The following CORIN variants were observed in gnomAD, a reference collection of about 807,000 sequenced individuals.
The protein encoded by CORIN is corin, serine peptidase, also known as atrial natriuretic peptide-converting enzyme.
In CORIN, 117 loss-of-function variants were observed where a neutral mutation model predicts 125.3. The ratio of observed to expected loss-of-function variants is 0.93; its 90% CI spans 0.80 to 1.09. CORIN has a LOEUF of 1.09. CORIN is among the 50% of genes least tolerant of loss of function. CORIN has a pLI of 0.00. For missense variants in CORIN, 1,253 were observed against 1,306.7 expected, an observed-to-expected ratio of 0.96 and a Z score of 0.63; for synonymous variants, 450 against 466.4, an observed-to-expected ratio of 0.96 and a Z score of 0.45.
At chr4:47,832,316 C>T (rs2119207) in intron 1 of CORIN, among the ~76,000 whole-genome samples, 125,581 of 152,160 alleles carry the variant, frequency 0.83, 52,045 homozygotes, top group East Asian at 0.98. Context: ...GCCTAGGCCA[C>T]GTAAGAGACC....
intron 19 of CORIN, among the ~76,000 whole-genome samples, chr4:47,610,896 G>T (rs1331894126): frequency 1.3e-5 from 2 of 152,110 alleles, no homozygotes; most frequent in Non-Finnish European, 2.9e-5. Context: ...AAGATCAGAT[G>T]GTTGTAGGTG....
chr4:47,803,570 A>C (rs1731637940), intron 2 of CORIN, among the ~76,000 whole-genome samples: 1 of 152,226 alleles, frequency 6.6e-6, no homozygotes, highest in Non-Finnish European at 1.5e-5. Flanking sequence ...CATAGACCTC[A>C]TTTTCAATAA....
chr4:47,734,722 T>A (rs1728046826), intron 5 of CORIN, among the ~76,000 whole-genome samples: 1 of 152,152 alleles, frequency 6.6e-6, no homozygotes, highest in Non-Finnish European at 1.5e-5. Context: ...AAAGCAGCAC[T>A]CCTAACATTT....
Position 47,782,537 on chromosome 4 carries a change from T to A in CORIN, c.409+4188A>T, listed in dbSNP as rs994248551. 2.0e-5 allele frequency among the ~76,000 whole-genome samples: 3 copies of A among 152,200 alleles called. No individual in the cohort carries two copies. The South Asian group carries it at 6.2e-4, about 31-fold the overall frequency. On this transcript the variant is annotated intron_variant, in intron 3 of 21. Transcript: ENST00000273857. ...AAACAGAGAAATAACACAATTCCAC[T>A]TCTAGGTATAAACCCAAGAGAACCA...
At position 47,706,626 on chromosome 4, in the gene CORIN, C is replaced by A. The variant is rs987818514; in HGVS notation, c.800-13543G>T. ...AGGGTGCAACTTACGGCAAGCCTGT[C>A]CATCATGGTGTTAACCAGCTAAAAT... On this transcript the variant is annotated intron_variant, in intron 5 of 21. Transcript: ENST00000273857. 8 of 1,605,202 alleles carry A rather than the reference C, an allele frequency of 5.0e-6. No individual in the cohort carries two copies. In the African/African-American group the frequency reaches 1.1e-4, roughly 21 times the overall value.
intron 6 of CORIN, among the ~76,000 whole-genome samples, chr4:47,684,192 T>C (rs1225930015): frequency 6.6e-6 from 1 of 152,216 alleles, no homozygotes; most frequent in Non-Finnish European, 1.5e-5. Context: ...AACTCTTATG[T>C]TTTCTTTAGA....
intron 5 of CORIN, among the ~76,000 whole-genome samples, chr4:47,737,032 G>A (rs1444530622): frequency 6.6e-6 from 1 of 152,198 alleles, no homozygotes; most frequent in Non-Finnish European, 1.5e-5. Flanking sequence ...AAGTAGAATG[G>A]AAATTACAGA....
intron 5 of CORIN, among the ~76,000 whole-genome samples, chr4:47,727,430 G>A (rs1018485565): frequency 1.7e-4 from 26 of 151,958 alleles, no homozygotes; most frequent in African/African-American, 6.0e-4. Flanking sequence ...TCACATTTAA[G>A]GTTAGTAATT....
At chr4:47,799,108 T>TGTGTGTGTGTGG (rs1297443426) in intron 2 of CORIN, among the ~76,000 whole-genome samples, 1 of 101,240 alleles carries the variant, frequency 9.9e-6, no homozygotes, top group Admixed American at 1.1e-4. Flanking sequence ...TCCCATGGGG[T>TGTGTGTGTGTGG]GTGTGTGTGT....
At chr4:47,749,094 C>G (rs1424439321) in intron 4 of CORIN, among the ~76,000 whole-genome samples, 2 of 151,622 alleles carry the variant, frequency 1.3e-5, no homozygotes, top group Non-Finnish European at 2.9e-5. Context: ...TAGGAGAACT[C>G]AGAATTTAAA....
chr4:47,623,069 C>CCT (rs372736248), intron 19 of CORIN, among the ~76,000 whole-genome samples: 6,141 of 93,462 alleles, frequency 0.066, 259 homozygotes, highest in African/African-American at 0.082. Context: ...CATAACATAA[C>CCT]CTCTCTCTCT....
In CORIN at chr4:47,823,708, G is replaced by A. The variant is rs566701530; in HGVS notation, c.63+14179C>T. On this transcript the variant is annotated intron_variant, in intron 1 of 21. Coordinates refer to ENST00000273857, the MANE Select transcript of CORIN (RefSeq NM_006587.4). ...CCCCTTTTCCAACAGGGAGAAAGCT[G>A]GTTTATTGTTAATACATTTAATTGC... Among the ~76,000 whole-genome samples, 13 of 152,262 alleles carry A rather than the reference G, an allele frequency of 8.5e-5. No individual in the cohort carries two copies. The East Asian group carries it at 2.1e-3, about 25-fold the overall frequency.
At chr4:47,604,837 A>G (rs528437182) in intron 19 of CORIN, among the ~76,000 whole-genome samples, 24 of 152,124 alleles carry the variant, frequency 1.6e-4, no homozygotes, top group Non-Finnish European at 3.1e-4. Flanking sequence ...TATATCCTCT[A>G]TATTAGTCAG....
rs556599235 is a variant in CORIN, at chr4:47,796,227, G to T, written c.209-9302C>A. 5.3e-5 allele frequency among the ~76,000 whole-genome samples: 8 copies of T among 152,076 alleles called. No individual in the cohort carries two copies. In the East Asian group the frequency reaches 1.4e-3, roughly 26 times the overall value. On this transcript the variant is annotated intron_variant, in intron 2 of 21. Transcript: ENST00000273857. ...GCAGCCTAAATGTCCACTGATAGAT[G>T]AATAAATTTTAAAAATGTGGCATAC...
At chr4:47,622,835 A>G (rs2109552891) in intron 19 of CORIN, among the ~76,000 whole-genome samples, 1 of 152,200 alleles carries the variant, frequency 6.6e-6, no homozygotes, top group African/African-American at 2.4e-5. Context: ...ACATAAGCCA[A>G]TTATGTCAAA....
intron 2 of CORIN, among the ~76,000 whole-genome samples, chr4:47,789,860 A>C (rs1368442986): frequency 6.6e-6 from 1 of 152,050 alleles, no homozygotes; most frequent in African/African-American, 2.4e-5. Flanking sequence ...CTCTACTAAA[A>C]ATACAAAAAA....
At chr4:47,656,223 T>C (rs919757765) in intron 12 of CORIN, among the ~76,000 whole-genome samples, 4 of 151,460 alleles carry the variant, frequency 2.6e-5, no homozygotes, top group Non-Finnish European at 5.9e-5. Flanking sequence ...TGGCATGATC[T>C]TGGCTCACTG....
chr4:47,707,824 A>C (rs142643707), intron 5 of CORIN, among the ~76,000 whole-genome samples: 24 of 152,294 alleles, frequency 1.6e-4, no homozygotes, highest in Middle Eastern at 3.4e-3. Flanking sequence ...AGAAGAGGGG[A>C]GTAGTAAATT....
chr4:47,723,957 C>T (rs886974819), intron 5 of CORIN, among the ~76,000 whole-genome samples: 2 of 136,158 alleles, frequency 1.5e-5, no homozygotes, highest in Admixed American at 1.6e-4. Context: ...GATCGCGCCA[C>T]AGCACTCCAG....
Sources: allele counts gnomAD v4.1 joint callset (sites outside exome capture counted in the v4.1 genomes callset), GRCh38; gene constraint gnomAD v4.1.1; transcripts MANE v1.5; gene names NCBI Gene and HGNC (gene_info 2026-07-23, HGNC 2026-07-21).